ESPL1: variants seen among roughly 807,000 people sequenced by gnomAD.
ESPL1 encodes the protein separin.
Under a neutral mutation model 217.2 loss-of-function variants are expected in ESPL1, and 50 were observed. The observed-to-expected ratio is 0.23, with a 90% CI of 0.18 to 0.29. ESPL1 has a LOEUF of 0.29. Ranked by LOEUF, ESPL1 falls within the 10% of genes least tolerant of loss-of-function variation. The pLI, the probability that ESPL1 is intolerant of heterozygous loss-of-function variation, is 1.00. For synonymous variants in ESPL1, 994 were observed against 1,081.3 expected, an observed-to-expected ratio of 0.92 and a Z score of 1.58; for missense variants, 1,834 against 2,603.0, an observed-to-expected ratio of 0.70 and a Z score of 6.43.
In ESPL1 at chr12:53,292,108, G is replaced by T; in HGVS notation, c.5796+20G>T. On this transcript the variant is annotated intron_variant, in intron 27 of 30. Transcript: ENST00000257934. This position sits in a 1 kb window ranked among gnomAD's most constrained non-coding sequence, Gnocchi z 4.5. ...AAAGAGGTGGGGTTCAGGGCGTAGT[G>T]TCTGGGGATGACTGGCGACTGGGGA... The T allele has an allele frequency of 6.3e-7, 1 of 1,588,166 alleles. No individual in the cohort carries two copies. The highest frequency in any genetic ancestry group is 2.2e-5 in the East Asian group (1 of 44,762).
intron 11 of ESPL1, among the ~76,000 whole-genome samples, chr12:53,279,290 T>C (rs1027626059): frequency 6.6e-6 from 1 of 152,218 alleles, no homozygotes; most frequent in Admixed American, 6.5e-5. Flanking sequence ...ACAAAAAGCC[T>C]TTATACATGC....
At chr12:53,271,942 C>A (rs1388456365) in intron 5 of ESPL1, among the ~76,000 whole-genome samples, 2 of 152,002 alleles carry the variant, frequency 1.3e-5, no homozygotes, top group Non-Finnish European at 2.9e-5. Context: ...AAAAAATTAG[C>A]CGGGCGTGGT....
At chr12:53,287,902 C>T in intron 18 of ESPL1, 70 bp from the exon 19 acceptor site, 1 of 1,469,934 alleles carries the variant, frequency 6.8e-7, no homozygotes, top group Non-Finnish European at 9.1e-7. Flanking sequence ...CTCCACTACG[C>T]CACCTGCTGT....
intron 1 of ESPL1, 74 bp downstream of exon 1, chr12:53,268,451 A>C: frequency 3.1e-6 from 1 of 323,548 alleles, no homozygotes; most frequent in African/African-American, 2.2e-5. Context: ...ACGCGAGGAG[A>C]GGCGTGGGTG....
chr12:53,276,116 G>A (rs1417483775), intron 7 of ESPL1, among the ~76,000 whole-genome samples: 1 of 152,120 alleles, frequency 6.6e-6, no homozygotes, highest in Admixed American at 6.6e-5. Context: ...GCTGAAGTGG[G>A]AGGATCACAT....
chr12:53,287,037 CCTG>C (rs1943960534), intron 18 of ESPL1, 125 bp downstream of exon 18: 1 of 926,730 alleles, frequency 1.1e-6, no homozygotes, highest in Non-Finnish European at 1.6e-6. Flanking sequence ...ACTTTAATCT[CCTG>C]CTATCTGCAG....
In ESPL1 at chr12:53,277,092, G is replaced by A. The variant is rs772161767; in HGVS notation, c.1950G>A (p.Leu650=). Residue 650 remains leucine, a synonymous_variant, in exon 9 of 31, where the codon CTG becomes CTA. Transcript: ENST00000257934. The part of the protein sequence containing the change: ...DFTQQTNCSA[L]DAIREALQLL... ...CATCTTCTCCCTGCAGCTCTGCTCTGGATGCTATCCGGGAAGCCCTGCAGC... is the reference window on the plus strand; with the variant it reads ...CATCTTCTCCCTGCAGCTCTGCTCTAGATGCTATCCGGGAAGCCCTGCAGC... 6.2e-7 allele frequency: 1 copy of A among 1,613,832 alleles called. No homozygotes were observed. Among genetic ancestry groups the A allele is most frequent in the Non-Finnish European group, 8.5e-7 (1 of 1,179,806 alleles).
In ESPL1 at chr12:53,286,094, G is replaced by A. The variant is rs767059708; in HGVS notation, c.3358G>A (p.Ala1120Thr). 1.1e-5 allele frequency: 18 copies of A among 1,613,064 alleles called. No individual in the cohort carries two copies. The highest frequency in any genetic ancestry group is 1.1e-4 in the South Asian group (10 of 91,058). ...TGTGGCCAAGGAGCCTGGCCCCATA[G>A]CACCTTCTACAAACTCCTCCCCAGT... is the stretch of plus-strand genomic sequence containing the variant. ...ATVAKEPGPI[A>T]PSTNSSPVLK... is the part of the protein sequence containing the mutation. The change falls in exon 18 of 31, where the codon GCA becomes ACA. Residue 1120 changes from alanine to threonine, a missense_variant. Physicochemically the swap from Ala to Thr is moderately conservative, Grantham distance 58. Coordinates refer to ENST00000257934, the MANE Select transcript of ESPL1 (RefSeq NM_012291.5). The surrounding 1 kb of genome is among the most constrained non-coding windows in gnomAD (Gnocchi z 5.3).
At position 53,283,379 on chromosome 12, in the gene ESPL1, C is replaced by G; in HGVS notation, c.2921-3C>G. The G allele has an allele frequency of 6.2e-7, 1 of 1,613,940 alleles. No homozygotes were observed. Among genetic ancestry groups the G allele is most frequent in the Non-Finnish European group, 8.5e-7 (1 of 1,179,914 alleles). ...GATGGTGGTCTTGTCTCTTTTGCTA[C>G]AGGTGAAAATCTGGTACAAAAATGG... is the stretch of plus-strand genomic sequence containing the variant. On this transcript the variant is annotated splice_region_variant and splice_polypyrimidine_tract_variant and intron_variant, in intron 15 of 30. Transcript: ENST00000257934.
At chr12:53,270,270 C>A in intron 3 of ESPL1, 108 bp from the exon 4 acceptor site, 1 of 978,306 alleles carries the variant, frequency 1.0e-6, no homozygotes, top group Non-Finnish European at 1.6e-6. Flanking sequence ...GGATGTCCTT[C>A]CTCGTGCTCC....
intron 1 of ESPL1, 136 bp from the exon 2 acceptor site, chr12:53,268,619 G>A: frequency 1.6e-6 from 1 of 607,740 alleles, no homozygotes; most frequent in Non-Finnish European, 2.9e-6. Context: ...ACGGGAGCAC[G>A]GCGTCCTGGC....
Position 53,293,162 on chromosome 12 carries a change from T to A in ESPL1, c.6162-111T>A. The A allele has an allele frequency of 2.8e-6, 3 of 1,055,064 alleles. No homozygotes were observed. Among genetic ancestry groups the A allele is most frequent in the Non-Finnish European group, 4.3e-6 (3 of 701,044 alleles). 65.4% of individuals were successfully genotyped at this position (1,055,064 alleles called of 1,614,324 possible). A position where few individuals can be genotyped will look rare whatever the true frequency, so the allele number is the denominator to read the frequency against. On this transcript the variant is annotated intron_variant, in intron 30 of 30. Coordinates refer to ENST00000257934, the MANE Select transcript of ESPL1 (RefSeq NM_012291.5). The surrounding 1 kb of genome is among the most constrained non-coding windows in gnomAD (Gnocchi z 4.2). The stretch of plus-strand genomic sequence containing the variant: ...CTCTTGTAACCAAGGGCCAAAGGAG[T>A]TTCTCATTGGTTCAATCCTCTCCAC...
chr12:53,292,238 G>T lies in ESPL1; in HGVS notation c.5797-40G>T. Reference sequence around the variant, plus strand: ...GAGATTGTTAGAGCTTGGGCCTCTTGGTGAGACAAGCATCCTAATCGCCAG... The same window carrying T: ...GAGATTGTTAGAGCTTGGGCCTCTTTGTGAGACAAGCATCCTAATCGCCAG... On this transcript the variant is annotated intron_variant, in intron 27 of 30. Transcript: ENST00000257934. This position sits in a 1 kb window ranked among gnomAD's most constrained non-coding sequence, Gnocchi z 4.5. 1 of 1,517,224 alleles carries T rather than the reference G, an allele frequency of 6.6e-7. No homozygotes were observed. Among genetic ancestry groups the T allele is most frequent in the Non-Finnish European group, 9.2e-7 (1 of 1,091,930 alleles). The allele number at this position is 1,517,224 out of a possible 1,614,324, so 94.0% of individuals were successfully genotyped here. A position where few individuals can be genotyped will look rare whatever the true frequency, so the allele number is the denominator to read the frequency against.
At chr12:53,278,732 C>T (rs1490725358) in intron 11 of ESPL1, among the ~76,000 whole-genome samples, 2 of 151,134 alleles carry the variant, frequency 1.3e-5, no homozygotes, top group Non-Finnish European at 2.9e-5. Context: ...GCTGGGACTA[C>T]AGGCACGCAA....
rs1470910064 is a variant in ESPL1 at position 53,275,074 on chromosome 12, G to T, written c.1700+64G>T. Reference sequence around the variant, plus strand: ...TCCCAGCACTTTGGGAAGCCGAGGCGGGTGGATCACTTGAGGTCAGGAGTT... The same window carrying T: ...TCCCAGCACTTTGGGAAGCCGAGGCTGGTGGATCACTTGAGGTCAGGAGTT... On this transcript the variant is annotated intron_variant, in intron 7 of 30. Coordinates refer to ENST00000257934, the MANE Select transcript of ESPL1 (RefSeq NM_012291.5). 3.7e-6 allele frequency: 5 copies of T among 1,338,748 alleles called. No individual in the cohort carries two copies. The African/African-American group carries it at 6.0e-5, about 16-fold the overall frequency. 82.9% of individuals were successfully genotyped at this position (1,338,748 alleles called of 1,614,324 possible).
At chr12:53,268,878 T>C (rs372965192) in intron 2 of ESPL1, 31 bp downstream of exon 2, 15 of 1,580,270 alleles carry the variant, frequency 9.5e-6, no homozygotes, top group Non-Finnish European at 1.3e-5. Context: ...GGGATACACC[T>C]GGCTTTCCAA....
At chr12:53,285,345 AT>A (rs1164630918) in intron 17 of ESPL1, among the ~76,000 whole-genome samples, 1 of 152,180 alleles carries the variant, frequency 6.6e-6, no homozygotes, top group Non-Finnish European at 1.5e-5. Flanking sequence ...AGGAGGCAGG[AT>A]TCAGGTGTGG....
rs746006770 is a variant in ESPL1 at position 53,269,938 on chromosome 12, A to G, written c.996A>G (p.Pro332=). 3.1e-6 allele frequency: 5 copies of G among 1,614,058 alleles called. No individual in the cohort carries two copies. Among genetic ancestry groups the G allele is most frequent in the Non-Finnish European group, 2.5e-6 (3 of 1,180,000 alleles). The change falls in exon 3 of 31, where the codon CCA becomes CCG. Residue 332 remains proline, a synonymous_variant. Transcript: ENST00000257934. The surrounding 1 kb of genome is among the most constrained non-coding windows in gnomAD (Gnocchi z 6.7). Reference sequence around the variant, plus strand: ...AGAGTATGGAGGCACCATCACCCCCACTTCGGGCATTGTATGAGAGCTGCC... The same window carrying G: ...AGAGTATGGAGGCACCATCACCCCCGCTTCGGGCATTGTATGAGAGCTGCC... ...LSKSMEAPSP[P]LRALYESCQF... is the part of the protein sequence containing the mutation.
Position 53,291,608 on chromosome 12 carries a change from G to T in ESPL1, c.5521-82G>T, listed in dbSNP as rs910956842. On this transcript the variant is annotated intron_variant, in intron 25 of 30. Coordinates refer to ENST00000257934, the MANE Select transcript of ESPL1 (RefSeq NM_012291.5). ...TCTGTCAAAAAAAAAAGAAAACAGG[G>T]AAAGGGAAGAAACTGGACTTAATCC... 2.8e-6 allele frequency: 4 copies of T among 1,439,436 alleles called. No individual in the cohort carries two copies. In the East Asian group the frequency reaches 9.2e-5, roughly 33 times the overall value. 89.2% of individuals were successfully genotyped at this position (1,439,436 alleles called of 1,614,324 possible). A position where few individuals can be genotyped will look rare whatever the true frequency, so the allele number is the denominator to read the frequency against.
Sources: allele counts gnomAD v4.1 joint callset (sites outside exome capture counted in the v4.1 genomes callset), GRCh38; gene constraint gnomAD v4.1.1; non-coding constraint Gnocchi (gnomAD v3.1); transcripts MANE v1.5; gene names NCBI Gene and HGNC (gene_info 2026-07-23, HGNC 2026-07-21).